The following WDR33 variants were observed in gnomAD, a reference collection of about 807,000 sequenced individuals.
WDR33 encodes WD repeat domain 33.
WDR33 carries 47 observed loss-of-function variants against 164.9 expected under a neutral mutation model. The ratio of observed to expected loss-of-function variants is 0.29; its 90% CI spans 0.23 to 0.36. WDR33 has a LOEUF of 0.36. Among genes scored for constraint, WDR33 ranks in the 10% least tolerant of loss-of-function variants. The pLI is 1.00. For missense variants in WDR33, 1,137 were observed against 1,754.1 expected (o/e 0.65, Z 6.28); for synonymous variants, 505 against 589.0 (o/e 0.86, Z 2.06).
intron 7 of WDR33, among the ~76,000 whole-genome samples, chr2:127,727,101 G>A (rs2105387099): frequency 6.6e-6 from 1 of 152,218 alleles, no homozygotes; most frequent in East Asian, 1.9e-4. Context: ...GTCTCATGTT[G>A]TTCCCGATTA....
At position 127,701,817 on chromosome 2, in the gene WDR33, T is replaced by C; in HGVS notation, c.*4506A>G. ...ACTGTGTTTCGGCCTAGCCGCGCTC[T>C]ACGCACCGGTGTTGCTGCTGCGCGC... On this transcript the variant is annotated 3_prime_UTR_variant, in exon 22 of 22. Transcript: ENST00000322313. 6.9e-7 allele frequency: 1 copy of C among 1,457,152 alleles called. No individual in the cohort carries two copies. Among genetic ancestry groups the C allele is most frequent in the Non-Finnish European group, 9.0e-7 (1 of 1,108,802 alleles). 90.3% of individuals were successfully genotyped at this position (1,457,152 alleles called of 1,614,324 possible).
chr2:127,719,025 C>CA lies in WDR33; in HGVS notation c.2760+239dup, dbSNP rs553589403. ...ACCTTTTCTGAAGAAACTCTATTACCAAAAAAAGAAAAATGGTGAGAAGTA... is the reference window on the plus strand; with the variant it reads ...ACCTTTTCTGAAGAAACTCTATTACCAAAAAAAAGAAAAATGGTGAGAAGTA... On this transcript the variant is annotated intron_variant, in intron 16 of 21. Transcript: ENST00000322313. This position sits in a 1 kb window ranked among gnomAD's most constrained non-coding sequence, Gnocchi z 6.5. Among the ~76,000 whole-genome samples, 11 of 151,804 alleles carry CA rather than the reference C, an allele frequency of 7.2e-5. No individual in the cohort carries two copies. Among genetic ancestry groups the CA allele is most frequent in the Non-Finnish European group, 1.6e-4 (11 of 67,914 alleles).
At position 127,805,847 on chromosome 2, in the gene WDR33, A is replaced by G. The variant is rs186911263; in HGVS notation, c.-24+5165T>C. On this transcript the variant is annotated intron_variant, in intron 1 of 21. Coordinates refer to ENST00000322313, the MANE Select transcript of WDR33 (RefSeq NM_018383.5). ...GACCCTTGATTTCATTCGTATTTAA[A>G]CATCTGTATTCCCTGCCATAATATC... 2.6e-3 allele frequency among the ~76,000 whole-genome samples: 396 copies of G among 152,208 alleles called. 1 individual carries two copies. The highest frequency in any genetic ancestry group is 9.1e-3 in the African/African-American group (378 of 41,548).
intron 7 of WDR33, among the ~76,000 whole-genome samples, chr2:127,761,524 A>G (rs1259922274): frequency 6.6e-6 from 1 of 152,208 alleles, no homozygotes; most frequent in Non-Finnish European, 1.5e-5. Flanking sequence ...TTTAATAAAT[A>G]AAATTATTTC....
Position 127,763,816 on chromosome 2 carries a change from GATC to G in WDR33, c.627-660_627-658del, listed in dbSNP as rs1371558113. Reference sequence around the variant, plus strand: ...GAGTCAGTTTTTCCCAGCAGTGAAAGATCATCAAGTTTCTCAACTAACTCTAAA... The same window carrying G: ...GAGTCAGTTTTTCCCAGCAGTGAAAGATCAAGTTTCTCAACTAACTCTAAA... On this transcript the variant is annotated intron_variant, in intron 6 of 21. Coordinates refer to ENST00000322313, the MANE Select transcript of WDR33 (RefSeq NM_018383.5). The surrounding 1 kb of genome is among the most constrained non-coding windows in gnomAD (Gnocchi z 4.5). 6 of 985,464 alleles carry G rather than the reference GATC, an allele frequency of 6.1e-6. No individual in the cohort carries two copies. The African/African-American group carries it at 7.0e-5, about 11-fold the overall frequency. 61.0% of individuals were successfully genotyped at this position (985,464 alleles called of 1,614,324 possible). A position where few individuals can be genotyped will look rare whatever the true frequency, so the allele number is the denominator to read the frequency against.
intron 4 of WDR33, among the ~76,000 whole-genome samples, chr2:127,767,136 C>A (rs1384259388): frequency 6.6e-6 from 1 of 152,080 alleles, no homozygotes; most frequent in Admixed American, 6.6e-5. Flanking sequence ...CATCTCTCTC[C>A]CAGGACTTCT....
In WDR33 at chr2:127,741,689, C is replaced by T. The variant is rs1006540607; in HGVS notation, c.725-14912G>A. ...GCGTTATTTGAGAAAAAGCAAGTAC[C>T]AGGAAAGAGAAAAATACAGATTATA... On this transcript the variant is annotated intron_variant, in intron 7 of 21. Transcript: ENST00000322313. This position sits in a 1 kb window ranked among gnomAD's most constrained non-coding sequence, Gnocchi z 4.1. 6.6e-6 allele frequency among the ~76,000 whole-genome samples: 1 copy of T among 152,100 alleles called. No individual in the cohort carries two copies. The highest frequency in any genetic ancestry group is 2.4e-5 in the African/African-American group (1 of 41,426).
chr2:127,735,925 T>C lies in WDR33; in HGVS notation c.725-9148A>G, dbSNP rs867012977. The C allele has an allele frequency of 1.0e-5, 10 of 985,336 alleles. No homozygotes were observed. The highest frequency in any genetic ancestry group is 3.5e-5 in the African/African-American group (2 of 57,248). The allele number at this position is 985,336 out of a possible 1,614,324, so 61.0% of individuals were successfully genotyped here. ...AGAAAGTTACATCAGTGAAAAACTA[T>C]AGAATTAAATGGAAAGTTAATTCTG... On this transcript the variant is annotated intron_variant, in intron 7 of 21. Coordinates refer to ENST00000322313, the MANE Select transcript of WDR33 (RefSeq NM_018383.5). The surrounding 1 kb of genome is among the most constrained non-coding windows in gnomAD (Gnocchi z 4.3).
Position 127,703,741 on chromosome 2 carries a change from T to C in WDR33, c.*2582A>G, listed in dbSNP as rs942364498. ...TTTCTAGTCCCCTAAATTTCTGTTC[T>C]AGTTTTAAATTTCTCTAGAACTTGC... On this transcript the variant is annotated 3_prime_UTR_variant, in exon 22 of 22. Transcript: ENST00000322313. 4 of 167,258 alleles carry C rather than the reference T, an allele frequency of 2.4e-5. No individual in the cohort carries two copies. The highest frequency in any genetic ancestry group is 6.8e-3 in the Middle Eastern group (2 of 296). 10.4% of individuals were successfully genotyped at this position (167,258 alleles called of 1,614,324 possible). A position where few individuals can be genotyped will look rare whatever the true frequency, so the allele number is the denominator to read the frequency against.
chr2:127,740,311 T>A lies in WDR33; in HGVS notation c.725-13534A>T, dbSNP rs549426182. On this transcript the variant is annotated intron_variant, in intron 7 of 21. Transcript: ENST00000322313. ...GGCCACCAGCGTTGGCACACGCCTATAATCCCAGCACTTTGGGAGGGATTT... is the reference window on the plus strand; with the variant it reads ...GGCCACCAGCGTTGGCACACGCCTAAAATCCCAGCACTTTGGGAGGGATTT... Among the ~76,000 whole-genome samples the A allele has an allele frequency of 8.5e-5, 13 of 152,298 alleles. No individual in the cohort carries two copies. The East Asian group carries it at 2.5e-3, about 29-fold the overall frequency.
At position 127,710,418 on chromosome 2, in the gene WDR33, C is replaced by T. The variant is rs1686129811; in HGVS notation, c.3309-562G>A. On this transcript the variant is annotated intron_variant, in intron 18 of 21. Transcript: ENST00000322313. The surrounding 1 kb of genome is among the most constrained non-coding windows in gnomAD (Gnocchi z 4.4). ...CTGGACCTGTCTGTAGGTAGGGGCT[C>T]TGCCATCTGCCCCAGCCCACAGCCT... Among the ~76,000 whole-genome samples, 1 of 152,252 alleles carries T rather than the reference C, an allele frequency of 6.6e-6. No individual in the cohort carries two copies. The highest frequency in any genetic ancestry group is 1.5e-5 in the Non-Finnish European group (1 of 68,048).
In WDR33 at chr2:127,714,117, T is replaced by A; in HGVS notation, c.2870-96A>T. 7.8e-7 allele frequency: 1 copy of A among 1,275,524 alleles called. No individual in the cohort carries two copies. Among genetic ancestry groups the A allele is most frequent in the Non-Finnish European group, 1.0e-6 (1 of 970,084 alleles). 79.0% of individuals were successfully genotyped at this position (1,275,524 alleles called of 1,614,324 possible). A position where few individuals can be genotyped will look rare whatever the true frequency, so the allele number is the denominator to read the frequency against. ...TCTCTACATTTCAGAATACATTCTT[T>A]ATTGAGAATGTTTTCCCTCCTTGGT... On this transcript the variant is annotated intron_variant, in intron 17 of 21. Coordinates refer to ENST00000322313, the MANE Select transcript of WDR33 (RefSeq NM_018383.5). The surrounding 1 kb of genome is among the most constrained non-coding windows in gnomAD (Gnocchi z 4.3).
chr2:127,795,425 G>A (rs1415349123), intron 1 of WDR33, among the ~76,000 whole-genome samples: 1 of 151,768 alleles, frequency 6.6e-6, no homozygotes, highest in East Asian at 1.9e-4. Flanking sequence ...AATGCTGAAG[G>A]TCCTAATACC....
intron 7 of WDR33, among the ~76,000 whole-genome samples, chr2:127,745,068 T>A (rs1011863675): frequency 6.6e-6 from 1 of 152,174 alleles, no homozygotes; most frequent in Non-Finnish European, 1.5e-5. Flanking sequence ...CTTATCATCT[T>A]CCTGATCACA....
In WDR33 at chr2:127,713,069, C is replaced by T. The variant is rs1199082346; in HGVS notation, c.3308+514G>A. Among the ~76,000 whole-genome samples the T allele has an allele frequency of 6.6e-6, 1 of 152,168 alleles. No individual in the cohort carries two copies. On this transcript the variant is annotated intron_variant, in intron 18 of 21. Transcript: ENST00000322313. The surrounding 1 kb of genome is among the most constrained non-coding windows in gnomAD (Gnocchi z 6.2). The stretch of plus-strand genomic sequence containing the variant: ...ACTGGTCCTGGGCTAATTCCTGTTT[C>T]TTTCTCCACATTTCTTCTGTTCCTT...
Position 127,763,929 on chromosome 2 carries a change from G to C in WDR33, c.627-770C>G. ...ATGACACTAAGGCAAAATCTACAAAGCAGAAGCATGTTCATCCAACAATTT... is the reference window on the plus strand; with the variant it reads ...ATGACACTAAGGCAAAATCTACAAACCAGAAGCATGTTCATCCAACAATTT... On this transcript the variant is annotated intron_variant, in intron 6 of 21. Transcript: ENST00000322313. The surrounding 1 kb of genome is among the most constrained non-coding windows in gnomAD (Gnocchi z 4.5). 1.0e-6 allele frequency: 1 copy of C among 985,726 alleles called. No individual in the cohort carries two copies. The highest frequency in any genetic ancestry group is 1.2e-6 in the Non-Finnish European group (1 of 830,198). The allele number at this position is 985,726 out of a possible 1,614,324, so 61.1% of individuals were successfully genotyped here.
At chr2:127,790,374 A>G (rs751349924) in intron 1 of WDR33, among the ~76,000 whole-genome samples, 1 of 152,172 alleles carries the variant, frequency 6.6e-6, no homozygotes, top group African/African-American at 2.4e-5. Flanking sequence ...TTCTGAATCT[A>G]TATTCATGAG....
rs1686029452 is a variant in WDR33 at position 127,706,877 on chromosome 2, AAGTGTATCTGCCTGCTCCC to A, written c.3782-344_3782-326del. On this transcript the variant is annotated intron_variant, in intron 21 of 21. Transcript: ENST00000322313. This position sits in a 1 kb window ranked among gnomAD's most constrained non-coding sequence, Gnocchi z 5.1. ...ACTGGGCCATGTCCCAGGCCATGGGAAGTGTATCTGCCTGCTCCCAGCCACCAGGGTATATTGAGGGAAG... is the reference window on the plus strand; with the variant it reads ...ACTGGGCCATGTCCCAGGCCATGGGAAGCCACCAGGGTATATTGAGGGAAG... 6.6e-6 allele frequency among the ~76,000 whole-genome samples: 1 copy of A among 152,222 alleles called. No homozygotes were observed. The highest frequency in any genetic ancestry group is 1.5e-5 in the Non-Finnish European group (1 of 68,032).
At chr2:127,711,780 A>T (rs13035652) in intron 18 of WDR33, among the ~76,000 whole-genome samples, 36,109 of 86,766 alleles carry the variant, frequency 0.42, 8,748 homozygotes, top group African/African-American at 0.58. Context: ...ATATATATAT[A>T]TTTTTTTTTT....
Sources: gnomAD v4.1 joint callset for allele counts (sites outside exome capture counted in the v4.1 genomes callset) on GRCh38, gnomAD v4.1.1 for gene constraint, Gnocchi (gnomAD v3.1) non-coding constraint, MANE v1.5 for transcripts, NCBI Gene and HGNC (gene_info 2026-07-23, HGNC 2026-07-21) for gene names.